Variants in MGMT observed in about 807,000 individuals in gnomAD.
MGMT encodes O-6-methylguanine-DNA methyltransferase.
MGMT carries 14 observed loss-of-function variants against 15.9 expected under a neutral mutation model. The ratio of observed to expected loss-of-function variants is 0.88; its 90% confidence interval spans 0.58 to 1.37. MGMT has a LOEUF of 1.37. Ranked by LOEUF, MGMT falls within the 40% of genes most tolerant of loss-of-function variation. MGMT has a pLI of 0.00. For missense variants in MGMT, 282 were observed against 268.1 expected (o/e 1.05, Z -0.36); for synonymous variants, 130 against 118.2 (o/e 1.10, Z -0.65).
chr10:129,706,731 C>T (rs1353778892), intron 2 of MGMT, among the ~76,000 whole-genome samples: 2 of 152,180 alleles, frequency 1.3e-5, no homozygotes, highest in East Asian at 3.9e-4. Context: ...GTCATGCACT[C>T]CACAGCCCCA....
chr10:129,548,741 C>CG (rs900435458), intron 2 of MGMT, among the ~76,000 whole-genome samples: 8 of 151,898 alleles, frequency 5.3e-5, no homozygotes, highest in Non-Finnish European at 1.0e-4. Flanking sequence ...CTGCAGCTTT[C>CG]GGGGGGGTGC....
At chr10:129,663,114 A>G (rs1847619077) in intron 2 of MGMT, among the ~76,000 whole-genome samples, 1 of 152,224 alleles carries the variant, frequency 6.6e-6, no homozygotes, top group Non-Finnish European at 1.5e-5. Context: ...CATACATGGA[A>G]TATTTACAAA....
chr10:129,629,983 TCACA>T (rs1847191917), intron 2 of MGMT, among the ~76,000 whole-genome samples: 1 of 152,234 alleles, frequency 6.6e-6, no homozygotes, highest in Non-Finnish European at 1.5e-5. Flanking sequence ...GCCAAGGCCC[TCACA>T]CACACGGATC....
chr10:129,662,793 A>T (rs1847614129), intron 2 of MGMT, among the ~76,000 whole-genome samples: 1 of 152,158 alleles, frequency 6.6e-6, no homozygotes, highest in African/African-American at 2.4e-5. Context: ...GATTAGACCA[A>T]GCAGAAATCA....
rs529445363 is a variant in MGMT, at chr10:129,657,410, G to A, written c.126-50485G>A. Reference sequence around the variant, plus strand: ...CTGCATTCTAGGGATTGTGGGGGTGGGGGGGGGAGCAACAAACAAAACAGA... The same window carrying A: ...CTGCATTCTAGGGATTGTGGGGGTGAGGGGGGGAGCAACAAACAAAACAGA... On this transcript the variant is annotated intron_variant, in intron 2 of 4. Coordinates refer to ENST00000651593, the MANE Select transcript of MGMT (RefSeq NM_002412.5). Among the ~76,000 whole-genome samples the A allele has an allele frequency of 2.8e-3, 395 of 141,506 alleles. 3 individuals are homozygous for A. The highest frequency in any genetic ancestry group is 9.9e-3 in the African/African-American group (387 of 38,926). The allele number at this position is 141,506 out of a possible 152,430, so 92.8% of individuals were successfully genotyped here. A position where few individuals can be genotyped will look rare whatever the true frequency, so the allele number is the denominator to read the frequency against.
At chr10:129,519,778 T>G (rs969842616) in intron 1 of MGMT, among the ~76,000 whole-genome samples, 1 of 152,202 alleles carries the variant, frequency 6.6e-6, no homozygotes, top group Non-Finnish European at 1.5e-5. Context: ...GCAGGCTTAA[T>G]GCTCATGGGT....
At chr10:129,650,590 T>C (rs1847445829) in intron 2 of MGMT, among the ~76,000 whole-genome samples, 3 of 152,172 alleles carry the variant, frequency 2.0e-5, no homozygotes, top group Non-Finnish European at 4.4e-5. Context: ...ATGGGTTGGC[T>C]CTTACTGAAC....
intron 3 of MGMT, among the ~76,000 whole-genome samples, chr10:129,731,535 A>T (rs1448479400): frequency 6.6e-6 from 1 of 151,630 alleles, no homozygotes; most frequent in South Asian, 2.1e-4. Flanking sequence ...AGCTGGGATT[A>T]CAGGCACCCG....
chr10:129,644,394 T>A (rs1477489164), intron 2 of MGMT, among the ~76,000 whole-genome samples: 1 of 152,154 alleles, frequency 6.6e-6, no homozygotes, highest in African/African-American at 2.4e-5. Flanking sequence ...GCAGGGAGGC[T>A]CCCCTAGGCT....
intron 2 of MGMT, among the ~76,000 whole-genome samples, chr10:129,616,826 G>A (rs1022331032): frequency 6.6e-6 from 1 of 152,162 alleles, no homozygotes; most frequent in Non-Finnish European, 1.5e-5. Flanking sequence ...GCGGTGAGGT[G>A]GGAGAGGGGC....
At chr10:129,514,232 G>A (rs1191526476) in intron 1 of MGMT, among the ~76,000 whole-genome samples, 1 of 152,202 alleles carries the variant, frequency 6.6e-6, no homozygotes, top group Non-Finnish European at 1.5e-5. Flanking sequence ...ATATCAATAT[G>A]AGAGAGATAC....
chr10:129,643,570 A>C (rs1214615127), intron 2 of MGMT, among the ~76,000 whole-genome samples: 1 of 152,174 alleles, frequency 6.6e-6, no homozygotes, highest in Non-Finnish European at 1.5e-5. Context: ...GGGGCGGGAC[A>C]AGGACCCACA....
chr10:129,490,668 TTTAA>T (rs1157271445), intron 1 of MGMT, among the ~76,000 whole-genome samples: 1 of 152,218 alleles, frequency 6.6e-6, no homozygotes, highest in Admixed American at 6.5e-5. Flanking sequence ...GTCTTTATTT[TTTAA>T]TTATTTAGTC....
intron 2 of MGMT, among the ~76,000 whole-genome samples, chr10:129,652,138 G>A (rs1847465992): frequency 6.6e-6 from 1 of 152,176 alleles, no homozygotes; most frequent in South Asian, 2.1e-4. Context: ...TATGAAACCA[G>A]GACTGAAGAC....
In MGMT at chr10:129,709,242, G is replaced by A. The variant is rs922074979; in HGVS notation, c.274+1199G>A. Among the ~76,000 whole-genome samples, 6 of 152,278 alleles carry A rather than the reference G, an allele frequency of 3.9e-5. No homozygotes were observed. In the East Asian group the frequency reaches 5.8e-4, roughly 15 times the overall value. On this transcript the variant is annotated intron_variant, in intron 3 of 4. Transcript: ENST00000651593. ...CATCATCTCTGCCCACCAATGGGCTGCTGCCAGGACAAAGGCACTACCAAA... is the reference window on the plus strand; with the variant it reads ...CATCATCTCTGCCCACCAATGGGCTACTGCCAGGACAAAGGCACTACCAAA...
At chr10:129,635,941 G>A (rs1484460145) in intron 2 of MGMT, among the ~76,000 whole-genome samples, 2 of 152,216 alleles carry the variant, frequency 1.3e-5, no homozygotes, top group Non-Finnish European at 2.9e-5. Flanking sequence ...AAGAGTGGAT[G>A]TGTGTTCTCT....
chr10:129,568,349 C>A (rs913420822), intron 2 of MGMT, among the ~76,000 whole-genome samples: 4 of 152,156 alleles, frequency 2.6e-5, no homozygotes, highest in Non-Finnish European at 5.9e-5. Flanking sequence ...TGGGGGTCTC[C>A]TTGTGCCTGG....
At chr10:129,496,064 C>T (rs1049567384) in intron 1 of MGMT, among the ~76,000 whole-genome samples, 3 of 152,140 alleles carry the variant, frequency 2.0e-5, no homozygotes, top group East Asian at 1.9e-4. Context: ...CAATGGGAGG[C>T]GGTTTTGTTT....
At chr10:129,710,688 G>C (rs1424177772) in intron 3 of MGMT, among the ~76,000 whole-genome samples, 1 of 152,178 alleles carries the variant, frequency 6.6e-6, no homozygotes, top group Non-Finnish European at 1.5e-5. Flanking sequence ...CTCTGTCCAG[G>C]TTGTTATCTT....
Sources: gnomAD v4.1 joint callset for allele counts (sites outside exome capture counted in the v4.1 genomes callset) on GRCh38, gnomAD v4.1.1 for gene constraint, MANE v1.5 for transcripts, NCBI Gene and HGNC (gene_info 2026-07-23, HGNC 2026-07-21) for gene names.